The following RGS6 variants were observed in gnomAD, a reference collection of about 807,000 sequenced individuals.
RGS6 encodes the protein regulator of G-protein signaling 6.
RGS6 carries 30 observed loss-of-function variants against 78.5 expected under a neutral mutation model. The ratio of observed to expected loss-of-function variants is 0.38; its 90% CI spans 0.29 to 0.52. The LOEUF (loss-of-function observed/expected upper bound fraction) is 0.52, where lower values mean the gene tolerates loss of function less well. Among genes scored for constraint, RGS6 ranks in the 20% least tolerant of loss-of-function variants. The pLI, the probability that RGS6 is intolerant of heterozygous loss-of-function variation, is 0.85. For missense variants in RGS6, 495 were observed against 609.7 expected, an observed-to-expected ratio of 0.81 and a Z score of 1.98; for synonymous variants, 206 against 206.0, an observed-to-expected ratio of 1.00 and a Z score of 0.00.
At chr14:71,990,424 A>G (rs1385277823) in intron 2 of RGS6, 1 of 361,512 alleles carries the variant, frequency 2.8e-6, no homozygotes, top group Non-Finnish European at 5.5e-6. Flanking sequence ...TTGAAAAGTT[A>G]TTGGGAAACA....
the RGS6 span, among the ~76,000 whole-genome samples, chr14:71,899,310 C>T: frequency 1.3e-5 from 2 of 152,210 alleles, 1 homozygote; most frequent in African/African-American, 4.8e-5. Context: ...ATTAGAGCTA[C>T]TTTCTCTTCC....
At chr14:72,118,718 A>T (rs114343593) in intron 2 of RGS6, among the ~76,000 whole-genome samples, 1,558 of 152,368 alleles carry the variant, frequency 0.01, 23 homozygotes, top group African/African-American at 0.035. Flanking sequence ...AATGGATTTC[A>T]TAATGAAAAT....
chr14:72,315,671 C>T (rs1218335066), intron 2 of RGS6, among the ~76,000 whole-genome samples: 1 of 152,156 alleles, frequency 6.6e-6, no homozygotes, highest in East Asian at 1.9e-4. Context: ...TGCCAGGCGC[C>T]AGATTAGGTA....
chr14:72,094,505 C>A (rs1325203360), intron 2 of RGS6, among the ~76,000 whole-genome samples: 1 of 152,110 alleles, frequency 6.6e-6, no homozygotes, highest in Non-Finnish European at 1.5e-5. Context: ...TATTTGCATG[C>A]TTGCTTAATT....
intron 13 of RGS6, among the ~76,000 whole-genome samples, chr14:72,497,855 T>C (rs2096665704): frequency 7.8e-6 from 1 of 127,704 alleles, no homozygotes; most frequent in African/African-American, 4.8e-5. Context: ...AAATTATTGC[T>C]GCTTTTTTTC....
At chr14:72,560,455 T>C (rs1028600415) in intron 17 of RGS6, among the ~76,000 whole-genome samples, 17 of 152,182 alleles carry the variant, frequency 1.1e-4, no homozygotes, top group Non-Finnish European at 2.2e-4. Flanking sequence ...CCTTCAGGCC[T>C]GCCCCAGGAA....
chr14:72,152,460 C>G (rs1329186388), intron 2 of RGS6, among the ~76,000 whole-genome samples: 3 of 152,144 alleles, frequency 2.0e-5, no homozygotes, highest in Non-Finnish European at 4.4e-5. Flanking sequence ...TGAGGATGTA[C>G]AGGGCTGTGG....
chr14:71,944,865 A>G (rs1479626856), intron 1 of RGS6, among the ~76,000 whole-genome samples: 1 of 152,176 alleles, frequency 6.6e-6, no homozygotes, highest in Non-Finnish European at 1.5e-5. Context: ...CCTACTGTAC[A>G]CCTAGGCCAT....
At chr14:72,446,149 T>G (rs2095357872) in intron 3 of RGS6, among the ~76,000 whole-genome samples, 1 of 152,142 alleles carries the variant, frequency 6.6e-6, no homozygotes, top group Admixed American at 6.5e-5. Flanking sequence ...TCCCAGCCAC[T>G]TGGGAAGATC....
chr14:71,981,571 C>G (rs141430959), intron 2 of RGS6, among the ~76,000 whole-genome samples: 41 of 147,236 alleles, frequency 2.8e-4, no homozygotes, highest in East Asian at 3.9e-4. Flanking sequence ...TTAGGCCGCT[C>G]GGGGGTGCCT....
chr14:72,204,506 TAACAA>T (rs985148974), intron 2 of RGS6, among the ~76,000 whole-genome samples: 36 of 152,328 alleles, frequency 2.4e-4, no homozygotes, highest in African/African-American at 8.2e-4. Flanking sequence ...CAGGCTGCTA[TAACAA>T]AATACCATAA....
rs939407693 is a variant in RGS6, at chr14:72,127,616, C to A, written c.84+162741C>A. ...ACAATTAACCAGGGCTTAAAAAAAA[C>A]CATTTAATTTTGAGGCAATTGTAGT... On this transcript the variant is annotated intron_variant, in intron 2 of 17. Transcript: ENST00000553525. 1.9e-4 allele frequency among the ~76,000 whole-genome samples: 29 copies of A among 152,134 alleles called. 1 individual carries two copies. Among genetic ancestry groups the A allele is most frequent in the Admixed American group, 7.2e-4 (11 of 15,274 alleles).
intron 2 of RGS6, among the ~76,000 whole-genome samples, chr14:72,287,319 G>A (rs534743611): frequency 7.9e-5 from 12 of 152,204 alleles, no homozygotes; most frequent in South Asian, 2.1e-4. Flanking sequence ...CTAATTGCTC[G>A]GATTAGGACT....
chr14:72,109,713 G>A (rs554467393), intron 2 of RGS6, among the ~76,000 whole-genome samples: 179 of 152,268 alleles, frequency 1.2e-3, no homozygotes, highest in African/African-American at 4.3e-3. Context: ...TCTTCATTCA[G>A]TGAATAAATT....
At chr14:72,511,205 A>G (rs2096874301) in intron 14 of RGS6, among the ~76,000 whole-genome samples, 1 of 152,222 alleles carries the variant, frequency 6.6e-6, no homozygotes, top group Non-Finnish European at 1.5e-5. Flanking sequence ...ATTTTGGTTT[A>G]TATAGTAGAG....
At chr14:72,281,520 C>A (rs1279089781) in intron 2 of RGS6, among the ~76,000 whole-genome samples, 3 of 152,220 alleles carry the variant, frequency 2.0e-5, no homozygotes, top group East Asian at 3.9e-4. Flanking sequence ...TCAAATGATA[C>A]TGAGTTTCTA....
At chr14:71,949,779 TA>T (rs1444600663) in intron 1 of RGS6, among the ~76,000 whole-genome samples, 3 of 136,454 alleles carry the variant, frequency 2.2e-5, no homozygotes, top group African/African-American at 8.1e-5. Flanking sequence ...ATAGAAGCTC[TA>T]TTTTTTTTTT....
intron 3 of RGS6, among the ~76,000 whole-genome samples, chr14:72,359,377 G>A (rs954564008): frequency 6.6e-6 from 1 of 152,156 alleles, no homozygotes; most frequent in Admixed American, 6.5e-5. Flanking sequence ...GGGGTGCCAG[G>A]GGTTGGGGTG....
intron 2 of RGS6, among the ~76,000 whole-genome samples, chr14:71,977,655 G>T (rs1222324565): frequency 1.3e-5 from 2 of 150,008 alleles, no homozygotes; most frequent in Non-Finnish European, 1.5e-5. Context: ...ATGCTGTTTT[G>T]GTTACTGTAG....
Sources: allele counts gnomAD v4.1 joint callset (sites outside exome capture counted in the v4.1 genomes callset), GRCh38; gene constraint gnomAD v4.1.1; transcripts MANE v1.5; gene names NCBI Gene and HGNC (gene_info 2026-07-23, HGNC 2026-07-21).